Variants in ADAMTS17 observed in about 807,000 individuals in gnomAD.
The protein encoded by ADAMTS17 is ADAM metallopeptidase with thrombospondin type 1 motif 17, also known as A disintegrin and metalloproteinase with thrombospondin motifs 17.
Under a neutral mutation model 141.5 loss-of-function variants are expected in ADAMTS17, and 113 were observed. The observed-to-expected ratio is 0.80, with a 90% CI of 0.69 to 0.93. The LOEUF is 0.93. Ranked by LOEUF, ADAMTS17 falls within the 40% of genes least tolerant of loss-of-function variation. The pLI is 0.00. For synonymous variants in ADAMTS17, 768 were observed against 630.6 expected, an observed-to-expected ratio of 1.22 and a Z score of -3.27; for missense variants, 1,659 against 1,517.9, an observed-to-expected ratio of 1.09 and a Z score of -1.54.
At position 100,054,177 on chromosome 15, in the gene ADAMTS17, G is replaced by A. The variant is rs2900634; in HGVS notation, c.2138-123C>T. 0.042 allele frequency: 48,429 copies of A among 1,155,608 alleles called. 1,412 individuals are homozygous for A. Among genetic ancestry groups the A allele is most frequent in the South Asian group, 0.1 (8,095 of 80,942 alleles). 71.6% of individuals were successfully genotyped at this position (1,155,608 alleles called of 1,614,324 possible). A position where few individuals can be genotyped will look rare whatever the true frequency, so the allele number is the denominator to read the frequency against. On this transcript the variant is annotated intron_variant, in intron 15 of 21. Coordinates refer to ENST00000268070, the MANE Select transcript of ADAMTS17 (RefSeq NM_139057.4). ...GTCTCCCTTCCACAGGGGGAAGGAG[G>A]GAGGCCTGAAGCGAGAGAAGGCGAG...
intron 14 of ADAMTS17, among the ~76,000 whole-genome samples, chr15:100,098,272 G>A (rs376363093): frequency 7.3e-4 from 111 of 152,074 alleles, no homozygotes; most frequent in African/African-American, 2.6e-3. Context: ...ATGAGGCACC[G>A]TGAGCCTGGA....
In ADAMTS17 at chr15:100,164,434, TG is replaced by T. The variant is rs1490213864; in HGVS notation, c.1182-9115del. On this transcript the variant is annotated intron_variant, in intron 8 of 21. Transcript: ENST00000268070. ...CAACAAGTATTTGTTGAACGCCTTC[TG>T]CATGCCAGATCCTGTTCTAGGCACT... Among the ~76,000 whole-genome samples, 4 of 152,216 alleles carry T rather than the reference TG, an allele frequency of 2.6e-5. No individual in the cohort carries two copies. In the East Asian group the frequency reaches 7.7e-4, roughly 29 times the overall value.
chr15:100,025,311 T>C (rs1204207025), intron 18 of ADAMTS17, among the ~76,000 whole-genome samples: 1 of 152,178 alleles, frequency 6.6e-6, no homozygotes, highest in Non-Finnish European at 1.5e-5. Flanking sequence ...CCTTTATTTT[T>C]AGCCTTTTTG....
intron 3 of ADAMTS17, among the ~76,000 whole-genome samples, chr15:100,302,819 TGCGAAAGGCAGGC>T (rs2045088606): frequency 6.6e-6 from 1 of 152,174 alleles, no homozygotes; most frequent in African/African-American, 2.4e-5. Context: ...ATCAGTGGGC[TGCGAAAGGCAGGC>T]CCACCCTTAA....
rs558461734 is a variant in ADAMTS17 at position 100,158,138 on chromosome 15, C to T, written c.1182-2818G>A. Among the ~76,000 whole-genome samples, 16 of 152,248 alleles carry T rather than the reference C, an allele frequency of 1.1e-4. No individual in the cohort carries two copies. In the East Asian group the frequency reaches 2.5e-3, roughly 24 times the overall value. On this transcript the variant is annotated intron_variant, in intron 8 of 21. Transcript: ENST00000268070. ...TCTTGACCTTGTGATCCGCCCGCCTCGGCCTCCCAAAGTGCTGGGATTACA... is the reference window on the plus strand; with the variant it reads ...TCTTGACCTTGTGATCCGCCCGCCTTGGCCTCCCAAAGTGCTGGGATTACA...
chr15:100,267,583 T>C (rs2043761175), intron 4 of ADAMTS17, among the ~76,000 whole-genome samples: 1 of 152,170 alleles, frequency 6.6e-6, no homozygotes, highest in Admixed American at 6.5e-5. Flanking sequence ...TACGTGAGTA[T>C]ATTGCGTGAT....
At chr15:100,047,573 T>C (rs570640791) in intron 18 of ADAMTS17, among the ~76,000 whole-genome samples, 128 of 152,156 alleles carry the variant, frequency 8.4e-4, no homozygotes, top group African/African-American at 2.7e-3. Flanking sequence ...TATGTGACTA[T>C]TGGGGGCAGG....
At chr15:100,058,134 C>G (rs528555879) in intron 15 of ADAMTS17, among the ~76,000 whole-genome samples, 3 of 151,840 alleles carry the variant, frequency 2.0e-5, no homozygotes, top group Non-Finnish European at 4.4e-5. Flanking sequence ...CTGCCCATAT[C>G]CCAGCACTAA....
chr15:100,132,909 G>A (rs2038126379), intron 11 of ADAMTS17, among the ~76,000 whole-genome samples: 1 of 152,218 alleles, frequency 6.6e-6, no homozygotes, highest in African/African-American at 2.4e-5. Flanking sequence ...TATGGCAGGT[G>A]ATGTTGTTTT....
At chr15:100,127,586 G>C (rs2037809381) in intron 12 of ADAMTS17, among the ~76,000 whole-genome samples, 1 of 152,124 alleles carries the variant, frequency 6.6e-6, no homozygotes, top group South Asian at 2.1e-4. Context: ...TTGTTTGTTT[G>C]TTTGTTTTGT....
At chr15:99,983,592 G>A (rs2060524282) in intron 20 of ADAMTS17, among the ~76,000 whole-genome samples, 2 of 152,178 alleles carry the variant, frequency 1.3e-5, no homozygotes, top group South Asian at 2.1e-4. Flanking sequence ...CTCTCAGGAA[G>A]AGGAAAACAC....
intron 15 of ADAMTS17, among the ~76,000 whole-genome samples, chr15:100,089,985 AT>A (rs2035351479): frequency 7.5e-6 from 1 of 132,724 alleles, no homozygotes; most frequent in Non-Finnish European, 1.5e-5. Flanking sequence ...AAGTATAATA[AT>A]AAAATTAAAA....
intron 7 of ADAMTS17, among the ~76,000 whole-genome samples, chr15:100,213,982 G>A (rs1160709269): frequency 6.6e-6 from 1 of 152,218 alleles, no homozygotes. Flanking sequence ...AAGAAAGCAA[G>A]CTGCTGAGAA....
At chr15:100,212,141 C>A (rs2041829233) in intron 7 of ADAMTS17, among the ~76,000 whole-genome samples, 1 of 152,308 alleles carries the variant, frequency 6.6e-6, no homozygotes, top group Admixed American at 6.5e-5. Context: ...TATTATCATC[C>A]TCATTCACAC....
rs142817967 is a variant in ADAMTS17, at chr15:100,060,921, T to C, written c.2138-6867A>G. 2.7e-3 allele frequency among the ~76,000 whole-genome samples: 413 copies of C among 152,284 alleles called. 2 individuals are homozygous for C. Among genetic ancestry groups the C allele is most frequent in the African/African-American group, 9.0e-3 (375 of 41,564 alleles). ...AGCCCCGAGTGGAGACAAGGCCTTTTTGAACTAACTTTAGAAACATAATGA... is the reference window on the plus strand; with the variant it reads ...AGCCCCGAGTGGAGACAAGGCCTTTCTGAACTAACTTTAGAAACATAATGA... On this transcript the variant is annotated intron_variant, in intron 15 of 21. Coordinates refer to ENST00000268070, the MANE Select transcript of ADAMTS17 (RefSeq NM_139057.4).
At chr15:99,995,692 C>A (rs1022030046) in intron 19 of ADAMTS17, among the ~76,000 whole-genome samples, 1 of 152,234 alleles carries the variant, frequency 6.6e-6, no homozygotes, top group South Asian at 2.1e-4. Flanking sequence ...CCTTAAGAAA[C>A]TGAAACCCAT....
chr15:100,077,716 G>T (rs536230875), intron 15 of ADAMTS17, among the ~76,000 whole-genome samples: 2 of 152,246 alleles, frequency 1.3e-5, no homozygotes, highest in Admixed American at 6.5e-5. Flanking sequence ...ACAAGACAAG[G>T]ACGTCCTGCT....
At chr15:100,261,818 C>T (rs2043528725) in intron 5 of ADAMTS17, among the ~76,000 whole-genome samples, 182 bp from the exon 6 acceptor site, 2 of 152,136 alleles carry the variant, frequency 1.3e-5, no homozygotes, top group African/African-American at 2.4e-5. Context: ...GAGAGACCAT[C>T]AGGGGCCTTA....
At chr15:100,071,041 TA>T (rs1288603248) in intron 15 of ADAMTS17, among the ~76,000 whole-genome samples, 1 of 149,708 alleles carries the variant, frequency 6.7e-6, no homozygotes, top group South Asian at 2.1e-4. Flanking sequence ...ATAGATGCAA[TA>T]AAAAATGATA....
Sources: allele counts gnomAD v4.1 joint callset (sites outside exome capture counted in the v4.1 genomes callset), GRCh38; gene constraint gnomAD v4.1.1; transcripts MANE v1.5; gene names NCBI Gene and HGNC (gene_info 2026-07-23, HGNC 2026-07-21).